SIGLEC1: variants seen among roughly 807,000 people sequenced by gnomAD.
The protein encoded by SIGLEC1 is sialic acid binding Ig like lectin 1, also known as sialoadhesin.
Under a neutral mutation model 148.0 loss-of-function variants are expected in SIGLEC1, and 132 were observed. That is an observed-to-expected ratio of 0.89 (90% CI 0.77 to 1.03). The LOEUF (loss-of-function observed/expected upper bound fraction) is 1.03, where lower values mean the gene tolerates loss of function less well. Among genes scored for constraint, SIGLEC1 ranks in the 50% least tolerant of loss-of-function variants. The pLI, the probability that SIGLEC1 is intolerant of heterozygous loss-of-function variation, is 0.00. For missense variants in SIGLEC1, 2,253 were observed against 2,271.4 expected, an observed-to-expected ratio of 0.99 and a Z score of 0.16; for synonymous variants, 945 against 969.0, an observed-to-expected ratio of 0.98 and a Z score of 0.46.
At position 3,690,286 on chromosome 20, in the gene SIGLEC1, G is replaced by A. The variant is rs889119892; in HGVS notation, c.4592-22C>T. 4.0e-6 allele frequency: 6 copies of A among 1,516,766 alleles called. No individual in the cohort carries two copies. In the African/African-American group the frequency reaches 6.9e-5, roughly 17 times the overall value. The allele number at this position is 1,516,766 out of a possible 1,614,324, so 94.0% of individuals were successfully genotyped here. A position where few individuals can be genotyped will look rare whatever the true frequency, so the allele number is the denominator to read the frequency against. ...GGGTCTGTGGGGAGGAAGGGAGTGTGGTGATTGCAGACAATGACCACAAAT... is the reference window on the plus strand; with the variant it reads ...GGGTCTGTGGGGAGGAAGGGAGTGTAGTGATTGCAGACAATGACCACAAAT... On this transcript the variant is annotated intron_variant, in intron 18 of 21. Coordinates refer to ENST00000344754, the MANE Select transcript of SIGLEC1 (RefSeq NM_023068.4).
intron 8 of SIGLEC1, 55 bp downstream of exon 8, chr20:3,699,147 G>T: frequency 1.9e-6 from 3 of 1,584,776 alleles, no homozygotes; most frequent in East Asian, 2.3e-5. Flanking sequence ...GCCTAGAGGA[G>T]GTGGGGTGGC....
rs141474520 is a variant in SIGLEC1 at position 3,688,244 on chromosome 20, C to T, written c.*316G>A. On this transcript the variant is annotated 3_prime_UTR_variant, in exon 22 of 22. Transcript: ENST00000344754. Reference sequence around the variant, plus strand: ...TCCAACCAAAGTCCAGGGTGACTTTCGAGGAGAAGGATGTGAAAGGGCAGG... The same window carrying T: ...TCCAACCAAAGTCCAGGGTGACTTTTGAGGAGAAGGATGTGAAAGGGCAGG... The T allele has an allele frequency of 1.6e-5, 6 of 386,076 alleles. No homozygotes were observed. The highest frequency in any genetic ancestry group is 6.3e-5 in the African/African-American group (3 of 47,900). 23.9% of individuals were successfully genotyped at this position (386,076 alleles called of 1,614,324 possible). A position where few individuals can be genotyped will look rare whatever the true frequency, so the allele number is the denominator to read the frequency against.
chr20:3,706,162 T>C, intron 3 of SIGLEC1, 122 bp from the exon 4 acceptor site: 1 of 1,297,100 alleles, frequency 7.7e-7, no homozygotes, highest in Non-Finnish European at 1.1e-6. Flanking sequence ...GAAAGACGCT[T>C]TCTACTCCAG....
rs1310410800 is a variant in SIGLEC1 at position 3,694,522 on chromosome 20, G to C, written c.2955C>G (p.Arg985=). The stretch of plus-strand genomic sequence containing the variant: ...CCATCAGGGTAGTGAGTGTGACGTG[G>C]CGTGGGGCATCTACACAGGGTGGGG... ...PISLHVSYAP[R]HVTLTTLMDT... Residue 985 remains arginine (R), a synonymous_variant, in exon 13 of 22, where the codon CGC becomes CGG. Coordinates refer to ENST00000344754, the MANE Select transcript of SIGLEC1 (RefSeq NM_023068.4). 6.4e-7 allele frequency: 1 copy of C among 1,560,040 alleles called. No homozygotes were observed. Among genetic ancestry groups the C allele is most frequent in the Admixed American group, 1.8e-5 (1 of 55,392 alleles).
At chr20:3,694,154 C>G in intron 13 of SIGLEC1, 67 bp downstream of exon 13, 3 of 1,497,262 alleles carry the variant, frequency 2.0e-6, no homozygotes, top group Non-Finnish European at 2.7e-6. Flanking sequence ...CCCTGTCCCA[C>G]CTCCTCTCCT....
chr20:3,690,043 G>T lies in SIGLEC1; in HGVS notation c.4813C>A (p.Pro1605Thr). Residue 1605 changes from proline (P) to threonine (T), a missense_variant, in exon 19 of 22, where the codon CCC (proline) becomes ACC (threonine). Pro to Thr is a conservative substitution (Grantham distance 38). Coordinates refer to ENST00000344754, the MANE Select transcript of SIGLEC1 (RefSeq NM_023068.4). ...ALRVDIEALRPSDQGEYICSA... is the reference protein window; with the variant it reads ...ALRVDIEALRTSDQGEYICSA... ...CAGATGTATTCCCCTTGGTCGCTGG[G>T]CCTCAGCGCCTCGATGTCCACCCTC... 1.2e-6 allele frequency: 2 copies of T among 1,612,492 alleles called. No homozygotes were observed. Among genetic ancestry groups the T allele is most frequent in the South Asian group, 1.1e-5 (1 of 90,744 alleles).
rs767129010 is a variant in SIGLEC1 at position 3,688,501 on chromosome 20, G to A, written c.*59C>T. On this transcript the variant is annotated 3_prime_UTR_variant, in exon 22 of 22. Coordinates refer to ENST00000344754, the MANE Select transcript of SIGLEC1 (RefSeq NM_023068.4). ...AACACTGCCTCATTCACATTCATAG[G>A]CTGGAGTCATCACAGATTCTGGCCA... 1 of 1,362,758 alleles carries A rather than the reference G, an allele frequency of 7.3e-7. No individual in the cohort carries two copies. The highest frequency in any genetic ancestry group is 1.0e-6 in the Non-Finnish European group (1 of 974,194). 84.4% of individuals were successfully genotyped at this position (1,362,758 alleles called of 1,614,324 possible).
intron 17 of SIGLEC1, 56 bp downstream of exon 17, chr20:3,691,847 G>A (rs535333560): frequency 1.0e-4 from 155 of 1,517,534 alleles, no homozygotes; most frequent in Middle Eastern, 8.9e-4. Flanking sequence ...AGCCCCTCTC[G>A]TGGACTTGGA....
At chr20:3,694,167 TTTA>T in intron 13 of SIGLEC1, 51 bp downstream of exon 13, 1 of 1,468,122 alleles carries the variant, frequency 6.8e-7, no homozygotes, top group Non-Finnish European at 9.2e-7. Context: ...CCTCTCCTCT[TTTA>T]AAGGACACAC....
chr20:3,699,153 G>A, intron 8 of SIGLEC1, 49 bp downstream of exon 8: 1 of 1,590,514 alleles, frequency 6.3e-7, no homozygotes, highest in Non-Finnish European at 8.5e-7. Flanking sequence ...AGGAGGTGGG[G>A]TGGCTGGTGG....
At chr20:3,711,395 GC>G (rs1342898142) in intron 1 of SIGLEC1, among the ~76,000 whole-genome samples, 1 of 152,182 alleles carries the variant, frequency 6.6e-6, no homozygotes, top group African/African-American at 2.4e-5. Flanking sequence ...GTTGGCTGGG[GC>G]CCCAAGTCCC....
At chr20:3,706,777 C>T in intron 2 of SIGLEC1, 71 bp from the exon 3 acceptor site, 1 of 1,458,768 alleles carries the variant, frequency 6.9e-7, no homozygotes, top group African/African-American at 1.4e-5. Flanking sequence ...AGCCCTGCGA[C>T]CTGCCCCAGA....
At position 3,706,429 on chromosome 20, in the gene SIGLEC1, G is replaced by A. The variant is rs763770124; in HGVS notation, c.327C>T (p.Asp109=). Residue 109 remains aspartate (D), a synonymous_variant, in exon 3 of 22, where the codon GAC becomes GAT. Transcript: ENST00000344754. ...NLLLKDLQPE[D]SGSYNFRFEI... ...CGAAGCGGAAGTTGTAGGAACCAGAGTCCTCGGGCTGCAGGTCCTTCAGCA... is the reference window on the plus strand; with the variant it reads ...CGAAGCGGAAGTTGTAGGAACCAGAATCCTCGGGCTGCAGGTCCTTCAGCA... 1.9e-6 allele frequency: 3 copies of A among 1,614,068 alleles called. No homozygotes were observed. Among genetic ancestry groups the A allele is most frequent in the South Asian group, 1.1e-5 (1 of 91,092 alleles).
At chr20:3,689,781 G>T in intron 19 of SIGLEC1, 79 bp from the exon 20 acceptor site, 1 of 1,351,106 alleles carries the variant, frequency 7.4e-7, no homozygotes, top group Non-Finnish European at 1.0e-6. Flanking sequence ...CACCCAAGAT[G>T]ACACCTTCTA....
Position 3,701,465 on chromosome 20 carries a change from A to AG in SIGLEC1, c.1404dup (p.Ser469LeufsTer17). On this transcript the variant is annotated frameshift_variant, in exon 7 of 22. Coordinates refer to ENST00000344754, the MANE Select transcript of SIGLEC1 (RefSeq NM_023068.4). LOFTEE classifies it high-confidence loss of function. The stretch of plus-strand genomic sequence containing the variant: ...TCCAGGCGCAGGGAGTTGGGACCAG[A>AG]GGTACCACTGAAGCGTGGGCTGTGA... 1 of 1,614,074 alleles carries AG rather than the reference A, an allele frequency of 6.2e-7. No homozygotes were observed. Among genetic ancestry groups the AG allele is most frequent in the Non-Finnish European group, 8.5e-7 (1 of 1,180,014 alleles).
At chr20:3,705,091 G>A (rs1023263817) in intron 4 of SIGLEC1, among the ~76,000 whole-genome samples, 1 of 152,170 alleles carries the variant, frequency 6.6e-6, no homozygotes, top group African/African-American at 2.4e-5. Flanking sequence ...CCACCCCCGG[G>A]GTTCAAGCAA....
At chr20:3,708,128 T>G (rs2087908669) in intron 1 of SIGLEC1, among the ~76,000 whole-genome samples, 3 of 152,158 alleles carry the variant, frequency 2.0e-5, no homozygotes, top group Admixed American at 2.0e-4. Flanking sequence ...GAGCTGAGGT[T>G]CAGAGTTGGA....
intron 8 of SIGLEC1, 40 bp from the exon 9 acceptor site, chr20:3,698,173 C>A: frequency 6.7e-7 from 1 of 1,491,574 alleles, no homozygotes; most frequent in Non-Finnish European, 9.0e-7. Flanking sequence ...CCCACGGATG[C>A]TCCAGGGCCC....
chr20:3,693,004 C>A lies in SIGLEC1; in HGVS notation c.3636G>T (p.Leu1212Phe). The A allele has an allele frequency of 6.2e-7, 1 of 1,612,112 alleles. No homozygotes were observed. The highest frequency in any genetic ancestry group is 8.5e-7 in the Non-Finnish European group (1 of 1,179,746). Residue 1212 changes from leucine (L) to phenylalanine (F), a missense_variant, in exon 15 of 22, where the codon TTG (leucine) becomes TTT (phenylalanine). Transcript: ENST00000344754. Reference sequence around the variant, plus strand: ...GGACAGAGGCTGCTGTCGAGGAGGCCAAGAGGCGACCGGCGTGGCTGAGGG... The same window carrying A: ...GGACAGAGGCTGCTGTCGAGGAGGCAAAGAGGCGACCGGCGTGGCTGAGGG... ...QLALSHAGRLLASSTAASVPN... is the reference protein window; with the variant it reads ...QLALSHAGRLFASSTAASVPN...
Sources: allele counts gnomAD v4.1 joint callset (sites outside exome capture counted in the v4.1 genomes callset), GRCh38; gene constraint gnomAD v4.1.1; transcripts MANE v1.5; gene names NCBI Gene and HGNC (gene_info 2026-07-23, HGNC 2026-07-21).